The following DMD variants were observed in gnomAD, a reference collection of about 807,000 sequenced individuals.
DMD encodes dystrophin, also known as mutant dystrophin.
DMD carries 63 observed loss-of-function variants against 330.1 expected under a neutral mutation model. That is an observed-to-expected ratio of 0.19 (90% CI 0.16 to 0.24). DMD has a LOEUF of 0.24. Ranked by LOEUF, DMD falls within the 10% of genes least tolerant of loss-of-function variation. DMD has a pLI of 1.00. For missense variants in DMD, 3,344 were observed against 2,684.1 expected, an observed-to-expected ratio of 1.25 and a Z score of -5.43; for synonymous variants, 1,223 against 959.8, an observed-to-expected ratio of 1.27 and a Z score of -5.07.
intron 5 of DMD, among the ~76,000 whole-genome samples, chrX:32,821,200 C>T (rs1284110530): frequency 1.8e-5 from 2 of 111,245 alleles, no homozygotes; most frequent in Non-Finnish European, 3.8e-5. Context: ...ATATGGGGGC[C>T]AATTAGGAGA....
intron 22 of DMD, 69 bp downstream of exon 22, chrX:32,472,095 T>A (rs1158405038): frequency 8.8e-7 from 1 of 1,136,422 alleles, no homozygotes; most frequent in Non-Finnish European, 1.2e-6. Context: ...TAATATTATT[T>A]AAAGGTTATA....
At chrX:31,586,726 GA>G (rs1255690234) in intron 55 of DMD, among the ~76,000 whole-genome samples, 1 of 112,044 alleles carries the variant, frequency 8.9e-6, no homozygotes, top group Non-Finnish European at 1.9e-5. Context: ...TTTGAATCAA[GA>G]CATTTCTCAG....
intron 11 of DMD, among the ~76,000 whole-genome samples, chrX:32,631,383 G>A (rs1447668774): frequency 9.0e-6 from 1 of 111,701 alleles, no homozygotes; most frequent in African/African-American, 3.3e-5. Flanking sequence ...TCGGCAGGTG[G>A]CAAATCCAAT....
chrX:33,240,110 A>G (rs1260680938), intron 1 of DMD, among the ~76,000 whole-genome samples: 1 of 111,478 alleles, frequency 9.0e-6, no homozygotes, highest in African/African-American at 3.3e-5. Flanking sequence ...GGAATACTCA[A>G]TCCGTATCAT....
chrX:33,179,560 G>A (rs759009176), intron 1 of DMD, among the ~76,000 whole-genome samples: 68 of 108,787 alleles, frequency 6.3e-4, no homozygotes, highest in South Asian at 2.5e-3. Flanking sequence ...CGGGCGTGGT[G>A]GCGGGCGCCT....
intron 44 of DMD, among the ~76,000 whole-genome samples, chrX:32,033,599 C>A (rs5002832): frequency 0.21 from 7,048 of 32,865 alleles, 393 homozygotes; most frequent in African/African-American, 0.31. Context: ...GACAGACAGA[C>A]AGACAGAAAG....
At chrX:31,161,908 C>T (rs769647029) in intron 74 of DMD, among the ~76,000 whole-genome samples, 5 of 110,850 alleles carry the variant, frequency 4.5e-5, no homozygotes, top group Admixed American at 9.6e-5. Flanking sequence ...TCTTATTCTC[C>T]TCATTCCAAG....
At position 32,053,356 on chromosome X, in the gene DMD, T is replaced by C. The variant is rs897731522; in HGVS notation, c.6439-84842A>G. ...CTCGTAAAGTATGCTGAAACATTCTTTCCTATACTTCTTTTTATCATTTGG... is the reference window on the plus strand; with the variant it reads ...CTCGTAAAGTATGCTGAAACATTCTCTCCTATACTTCTTTTTATCATTTGG... On this transcript the variant is annotated intron_variant, in intron 44 of 78. Coordinates refer to ENST00000357033, the MANE Select transcript of DMD (RefSeq NM_004006.3). Among the ~76,000 whole-genome samples, 4 of 83,507 alleles carry C rather than the reference T, an allele frequency of 4.8e-5. No homozygotes were observed. In the Admixed American group the frequency reaches 4.9e-4, roughly 10 times the overall value. 72.5% of individuals were successfully genotyped at this position (83,507 alleles called of 115,157 possible). A position where few individuals can be genotyped will look rare whatever the true frequency, so the allele number is the denominator to read the frequency against.
At chrX:32,283,218 C>A (rs2097427007) in intron 43 of DMD, among the ~76,000 whole-genome samples, 1 of 111,695 alleles carries the variant, frequency 9.0e-6, no homozygotes, top group African/African-American at 3.3e-5. Flanking sequence ...GCTTCCCGGC[C>A]AAGCCCAGCT....
chrX:31,685,510 T>G (rs1261762994), intron 52 of DMD, among the ~76,000 whole-genome samples: 1 of 112,515 alleles, frequency 8.9e-6, no homozygotes, highest in Non-Finnish European at 1.9e-5. Flanking sequence ...TGTTAAGATT[T>G]TAAAACTTGT....
In DMD at chrX:31,988,022, C is replaced by T. The variant is rs562285655; in HGVS notation, c.6439-19508G>A. 1.3e-4 allele frequency among the ~76,000 whole-genome samples: 14 copies of T among 111,933 alleles called. No individual in the cohort carries two copies. In the South Asian group the frequency reaches 4.8e-3, roughly 39 times the overall value. On this transcript the variant is annotated intron_variant, in intron 44 of 78. Transcript: ENST00000357033. ...TTGAGTCATATAAAAGAATAAAATC[C>T]TGTCATTTATGACAACATGGATGAA... is the stretch of plus-strand genomic sequence containing the variant.
chrX:32,980,138 G>C (rs1479432284), intron 2 of DMD, among the ~76,000 whole-genome samples: 4 of 110,064 alleles, frequency 3.6e-5, no homozygotes, highest in Admixed American at 9.7e-5. Flanking sequence ...GGCCGAGGCG[G>C]GCAGATCACT....
intron 1 of DMD, among the ~76,000 whole-genome samples, chrX:33,065,139 G>A (rs2094635129): frequency 9.0e-6 from 1 of 111,220 alleles, no homozygotes; most frequent in African/African-American, 3.3e-5. Context: ...GAGGCAAATT[G>A]GTGTTTACCT....
At chrX:32,501,374 CAT>C (rs1332924709) in intron 19 of DMD, among the ~76,000 whole-genome samples, 4 of 111,640 alleles carry the variant, frequency 3.6e-5, no homozygotes, top group African/African-American at 6.5e-5. Flanking sequence ...TTTGGAAAAA[CAT>C]ATTGCAAAAA....
At chrX:32,593,131 C>T (rs180714862) in intron 13 of DMD, among the ~76,000 whole-genome samples, 11 of 112,787 alleles carry the variant, frequency 9.8e-5, no homozygotes, top group African/African-American at 3.2e-4. Context: ...AGGAGCCCAG[C>T]GGGCACAAGC....
intron 1 of DMD, among the ~76,000 whole-genome samples, chrX:33,245,846 A>G (rs2052655908): frequency 8.9e-6 from 1 of 112,152 alleles, no homozygotes; most frequent in Non-Finnish European, 1.9e-5. Flanking sequence ...GAATAACAAT[A>G]TGATCTATGT....
At chrX:31,140,395 C>G (rs1433156917) in intron 76 of DMD, among the ~76,000 whole-genome samples, 1 of 112,017 alleles carries the variant, frequency 8.9e-6, no homozygotes, top group Non-Finnish European at 1.9e-5. Flanking sequence ...AATACGCCCA[C>G]CAACATTTTT....
intron 44 of DMD, among the ~76,000 whole-genome samples, chrX:32,207,267 C>A (rs762654436): frequency 1.8e-5 from 2 of 110,742 alleles, no homozygotes; most frequent in African/African-American, 3.3e-5. Flanking sequence ...TCCACCCTCA[C>A]GAGTGGGTTT....
chrX:31,178,592 G>A (rs2040808647), intron 70 of DMD, 77 bp downstream of exon 70: 1 of 1,123,405 alleles, frequency 8.9e-7, no homozygotes, highest in Non-Finnish European at 1.2e-6. Flanking sequence ...GCATTTGGGA[G>A]TGAAGGAGGG....
Sources: allele counts gnomAD v4.1 joint callset (sites outside exome capture counted in the v4.1 genomes callset), GRCh38; gene constraint gnomAD v4.1.1; transcripts MANE v1.5; gene names NCBI Gene and HGNC (gene_info 2026-07-23, HGNC 2026-07-21).